Variants in TAF1 observed in about 807,000 individuals in gnomAD.
TAF1 encodes transcription initiation factor TFIID subunit 1.
TAF1 carries 2 observed loss-of-function variants against 138.5 expected under a neutral mutation model. The ratio of observed to expected loss-of-function variants is 0.01; its 90% CI spans 0.01 to 0.05. TAF1 has a LOEUF of 0.05. TAF1 is among the 10% of genes least tolerant of loss of function. The pLI, the probability that TAF1 is intolerant of heterozygous loss-of-function variation, is 1.00. For missense variants in TAF1, 709 were observed against 1,478.0 expected (o/e 0.48, Z 8.53); for synonymous variants, 437 against 503.2 (o/e 0.87, Z 1.76).
rs184929567 is a variant in TAF1, at chrX:71,389,127, A to G, written c.2700+259A>G. On this transcript the variant is annotated intron_variant, in intron 17 of 37. Transcript: ENST00000423759. ...CTTTGGGCATATTGTTTTGCTTTGA[A>G]AATGGTGACTGGGTGACTTTAATCT... Among the ~76,000 whole-genome samples, 418 of 112,074 alleles carry G rather than the reference A, an allele frequency of 3.7e-3. 2 individuals are homozygous for G. Among genetic ancestry groups the G allele is most frequent in the Non-Finnish European group, 6.6e-3 (351 of 53,199 alleles).
intron 13 of TAF1, among the ~76,000 whole-genome samples, chrX:71,472,507 G>A (rs930715438): frequency 1.8e-5 from 2 of 111,179 alleles, no homozygotes; most frequent in African/African-American, 3.3e-5. Flanking sequence ...CGAGGTGGGC[G>A]AATCTCTTGA....
intron 16 of TAF1, 112 bp from the exon 17 acceptor site, chrX:71,388,626 A>G (rs752829793): frequency 4.9e-5 from 52 of 1,061,671 alleles, no homozygotes; most frequent in Middle Eastern, 3.3e-4. Flanking sequence ...AGTCATGCCA[A>G]CTGTGGCTAG....
exon 15 of TAF1, chrX:71,529,884 G>C (rs2040071658): frequency 7.8e-6 from 2 of 257,085 alleles, no homozygotes; most frequent in South Asian, 4.0e-5. Context: ...TGGTCTTTGA[G>C]CTCTCACATC....
intron 21 of TAF1, 133 bp from the exon 22 acceptor site, chrX:71,393,934 G>C: frequency 1.5e-6 from 1 of 669,211 alleles, no homozygotes; most frequent in Admixed American, 4.4e-5. Context: ...ACTTTGTAAA[G>C]CTTTTCTGTT....
intron 32 of TAF1, among the ~76,000 whole-genome samples, chrX:71,444,473 CT>C (rs1280866454): frequency 5.0e-4 from 56 of 111,705 alleles, no homozygotes; most frequent in African/African-American, 1.8e-3. Context: ...AATCCCAGTG[CT>C]TTCAGAGGCC....
chrX:71,377,034 C>T lies in TAF1; in HGVS notation c.557C>T (p.Ser186Phe). ...TCAGAGAAAGTGGACTTCAGTAGTTCCTCTGACTCAGAATCTGAGATGGGA... is the reference window on the plus strand; with the variant it reads ...TCAGAGAAAGTGGACTTCAGTAGTTTCTCTGACTCAGAATCTGAGATGGGA... Reference protein sequence around the residue: ...LASEKVDFSSSSDSESEMGPQ... With the variant: ...LASEKVDFSSFSDSESEMGPQ... The change falls in exon 5 of 38, where the codon TCC (serine) becomes TTC (phenylalanine). Residue 186 changes from serine (S) to phenylalanine (F), a missense_variant. Physicochemically the swap from Ser to Phe is radical, Grantham distance 155. Around this residue, in one of 14 missense-constraint regions of TAF1, gnomAD observed 123 missense variants for 161.6 expected, o/e 0.76. Coordinates refer to ENST00000423759, the MANE Select transcript of TAF1 (RefSeq NM_004606.5). 8.3e-7 allele frequency: 1 copy of T among 1,211,739 alleles called. No individual in the cohort carries two copies. The highest frequency in any genetic ancestry group is 1.8e-5 in the South Asian group (1 of 56,991).
Position 71,408,079 on chromosome X carries a change from C to T in TAF1, c.4312C>T (p.Arg1438Cys), listed in dbSNP as rs1569313767. 8.3e-7 allele frequency: 1 copy of T among 1,211,747 alleles called. No individual in the cohort carries two copies. ...LQTLRENVRK[R>C]LYPSREEFRE... ...AACACTCCGCGAAAACGTGCGTAAA[C>T]GCCTCTACCCATCTCGGGAAGAGTT... is the stretch of plus-strand genomic sequence containing the variant. Residue 1438 changes from arginine to cysteine, a missense_variant, in exon 28 of 38, where the codon CGC becomes TGC. Transcript: ENST00000423759.
chrX:71,474,742 G>A (rs2147495806), intron 13 of TAF1, among the ~76,000 whole-genome samples: 1 of 111,922 alleles, frequency 8.9e-6, no homozygotes, highest in African/African-American at 3.2e-5. Flanking sequence ...ATTGTGGCTG[G>A]GTTGGAGTAG....
At chrX:71,433,610 T>C (rs1004923529) in intron 32 of TAF1, among the ~76,000 whole-genome samples, 1 of 111,393 alleles carries the variant, frequency 9.0e-6, no homozygotes, top group Admixed American at 9.7e-5. Context: ...ATCTGGACTT[T>C]TTATGTGATT....
chrX:71,395,925 A>T (rs1427436526), intron 22 of TAF1, among the ~76,000 whole-genome samples: 1 of 110,799 alleles, frequency 9.0e-6, no homozygotes, highest in Non-Finnish European at 1.9e-5. Flanking sequence ...TGGGAGGCTG[A>T]GGCAGGCGGA....
rs191970159 is a variant in TAF1, at chrX:71,518,903, G to T, written c.1367-9639G>T. On this transcript the variant is annotated intron_variant and NMD_transcript_variant, in intron 13 of 14. Transcript: ENST00000373775. ...GTAGAGATGGGATTTCACCATGTTG[G>T]TCAGGCTGGTCTCGAACTCCTGACC... Among the ~76,000 whole-genome samples, 190 of 105,856 alleles carry T rather than the reference G, an allele frequency of 1.8e-3. 1 individual carries two copies. Among genetic ancestry groups the T allele is most frequent in the African/African-American group, 6.1e-3 (179 of 29,348 alleles). 91.9% of individuals were successfully genotyped at this position (105,856 alleles called of 115,157 possible).
In TAF1 at chrX:71,394,256, T is replaced by C. The variant is rs749948683; in HGVS notation, c.3406+11T>C. On this transcript the variant is annotated intron_variant, in intron 22 of 37. Transcript: ENST00000423759. ...AGCGAATGCTACTGGGTGAGGATCT[T>C]GGCTTCACAGACAGATAAAAAAGAG... 1.7e-6 allele frequency: 2 copies of C among 1,189,479 alleles called. No homozygotes were observed. The highest frequency in any genetic ancestry group is 2.3e-5 in the Admixed American group (1 of 42,685).
chrX:71,383,298 T>G, intron 12 of TAF1, 134 bp downstream of exon 12: 1 of 764,641 alleles, frequency 1.3e-6, no homozygotes, highest in Non-Finnish European at 1.8e-6. Context: ...TTTGGTTATT[T>G]AGGAGAATGT....
intron 23 of TAF1, among the ~76,000 whole-genome samples, chrX:71,398,065 C>T (rs947048665): frequency 6.3e-5 from 7 of 111,702 alleles, no homozygotes; most frequent in Admixed American, 2.9e-4. Context: ...ACTGGCCGGG[C>T]GCGGTGGCTC....
intron 28 of TAF1, among the ~76,000 whole-genome samples, chrX:71,409,013 CAAAAA>C (rs774464156): frequency 1.8e-5 from 1 of 55,399 alleles, no homozygotes; most frequent in Admixed American, 2.2e-4. Context: ...GACTCCGTCT[CAAAAA>C]AAAAAAAAAA....
intron 13 of TAF1, among the ~76,000 whole-genome samples, chrX:71,500,767 G>T (rs2039488964): frequency 9.0e-6 from 1 of 110,847 alleles, no homozygotes; most frequent in African/African-American, 3.3e-5. Flanking sequence ...CTATAAAGAT[G>T]TTATGCCCCA....
chrX:71,439,994 T>C (rs1299473370), intron 32 of TAF1, among the ~76,000 whole-genome samples: 1 of 111,362 alleles, frequency 9.0e-6, no homozygotes, highest in Admixed American at 9.7e-5. Context: ...GTGTGCAATT[T>C]CGTGCCATAT....
chrX:71,422,316 A>G (rs988082819), intron 29 of TAF1, among the ~76,000 whole-genome samples: 1 of 104,088 alleles, frequency 9.6e-6, no homozygotes, highest in Non-Finnish European at 2.0e-5. Context: ...TGACCCTTTT[A>G]CTGGAATTTT....
intron 34 of TAF1, among the ~76,000 whole-genome samples, chrX:71,457,650 T>G (rs1246146268): frequency 8.9e-6 from 1 of 111,984 alleles, no homozygotes; most frequent in Non-Finnish European, 1.9e-5. Flanking sequence ...AGGTAGACAT[T>G]ATCATCCATG....
Sources: gnomAD v4.1 joint callset for allele counts (sites outside exome capture counted in the v4.1 genomes callset) on GRCh38, gnomAD v4.1.1 for gene constraint, gnomAD v4.1.1 regional missense constraint, MANE v1.5 for transcripts, NCBI Gene and HGNC (gene_info 2026-07-23, HGNC 2026-07-21) for gene names.